CLSTN2: variants seen among roughly 807,000 people sequenced by gnomAD.
CLSTN2 encodes calsyntenin 2.
Under a neutral mutation model 101.2 loss-of-function variants are expected in CLSTN2, and 48 were observed. The ratio of observed to expected loss-of-function variants is 0.47; its 90% CI spans 0.38 to 0.60. CLSTN2 has a LOEUF of 0.60. Among genes scored for constraint, CLSTN2 ranks in the 20% least tolerant of loss-of-function variants. CLSTN2 has a pLI of 0.00. For missense variants in CLSTN2, 1,160 were observed against 1,238.2 expected (o/e 0.94, Z 0.95); for synonymous variants, 481 against 463.6 (o/e 1.04, Z -0.48).
At chr3:140,044,046 T>A (rs1376457493) in intron 1 of CLSTN2, among the ~76,000 whole-genome samples, 1 of 152,224 alleles carries the variant, frequency 6.6e-6, no homozygotes, top group Non-Finnish European at 1.5e-5. Flanking sequence ...CTTAAAGTAG[T>A]TTTTTCCAAT....
Position 140,311,287 on chromosome 3 carries a change from C to CTTTTTTT in CLSTN2, c.233-92312_233-92306dup, listed in dbSNP as rs750088450. Among the ~76,000 whole-genome samples the CTTTTTTT allele has an allele frequency of 1.3e-4, 7 of 52,082 alleles. 1 individual carries two copies. The highest frequency in any genetic ancestry group is 3.8e-4 in the African/African-American group (4 of 10,624). 34.2% of individuals were successfully genotyped at this position (52,082 alleles called of 152,430 possible). ...ATAATAACAGCTAAGGTTTATTATC[C>CTTTTTTT]TTTTTTTTTTTTTTTTTTTTTTTTT... On this transcript the variant is annotated intron_variant, in intron 2 of 16. Transcript: ENST00000458420.
chr3:140,078,980 G>A (rs965794195), intron 1 of CLSTN2, among the ~76,000 whole-genome samples: 1 of 152,140 alleles, frequency 6.6e-6, no homozygotes, highest in Non-Finnish European at 1.5e-5. Context: ...GAAATGCTGG[G>A]GAATAAGGTG....
intron 2 of CLSTN2, among the ~76,000 whole-genome samples, chr3:140,244,367 T>C (rs1576481884): frequency 1.3e-5 from 2 of 152,198 alleles, no homozygotes; most frequent in South Asian, 2.1e-4. Flanking sequence ...CAGGGCATTA[T>C]GTAGTATGGG....
chr3:140,466,263 C>A (rs1314202955), intron 7 of CLSTN2, among the ~76,000 whole-genome samples: 2 of 152,184 alleles, frequency 1.3e-5, no homozygotes, highest in Non-Finnish European at 2.9e-5. Context: ...GCTCCCTAAA[C>A]CCTCCAGAAG....
chr3:139,959,914 C>T (rs565139652), intron 1 of CLSTN2, among the ~76,000 whole-genome samples: 2 of 152,226 alleles, frequency 1.3e-5, no homozygotes, highest in South Asian at 4.1e-4. Flanking sequence ...TAACCTTCTC[C>T]TCTCCCACCC....
At chr3:140,267,920 G>A (rs1372036352) in intron 2 of CLSTN2, among the ~76,000 whole-genome samples, 2 of 152,084 alleles carry the variant, frequency 1.3e-5, no homozygotes. Flanking sequence ...AGCTATTCTT[G>A]GACTCTGATT....
chr3:140,249,850 A>G (rs764807891), intron 2 of CLSTN2, among the ~76,000 whole-genome samples: 1 of 152,136 alleles, frequency 6.6e-6, no homozygotes, highest in Non-Finnish European at 1.5e-5. Context: ...AGGGTTTAGA[A>G]AGGCCTGAGT....
At chr3:140,039,550 G>A (rs2007721702) in intron 1 of CLSTN2, among the ~76,000 whole-genome samples, 1 of 152,130 alleles carries the variant, frequency 6.6e-6, no homozygotes, top group South Asian at 2.1e-4. Flanking sequence ...ATAAATTAGA[G>A]TTTATTTTCT....
At chr3:140,465,438 C>T (rs1933670099) in intron 7 of CLSTN2, among the ~76,000 whole-genome samples, 1 of 152,150 alleles carries the variant, frequency 6.6e-6, no homozygotes, top group East Asian at 1.9e-4. Context: ...TGAACTGAGC[C>T]ACTTGCCAAC....
chr3:140,449,116 A>T, intron 6 of CLSTN2, among the ~76,000 whole-genome samples: 1 of 152,220 alleles, frequency 6.6e-6, no homozygotes, highest in East Asian at 1.9e-4. Context: ...TCACCTGGAA[A>T]GGGATTGGTC....
chr3:140,496,182 C>T (rs1035262110), intron 8 of CLSTN2, among the ~76,000 whole-genome samples: 1 of 152,092 alleles, frequency 6.6e-6, no homozygotes, highest in African/African-American at 2.4e-5. Context: ...TCTTTCACTT[C>T]CCTTGTTAGC....
chr3:140,387,872 G>T (rs938329950), intron 2 of CLSTN2, among the ~76,000 whole-genome samples: 2 of 152,216 alleles, frequency 1.3e-5, no homozygotes, highest in African/African-American at 2.4e-5. Context: ...ATAATGGAAT[G>T]GTTGAATGAT....
chr3:140,563,935 T>G, intron 15 of CLSTN2, 26 bp from the exon 16 acceptor site: 2 of 1,610,398 alleles, frequency 1.2e-6, no homozygotes, highest in Non-Finnish European at 1.7e-6. Context: ...GTTCACCATG[T>G]CATGCGAGTT....
intron 1 of CLSTN2, among the ~76,000 whole-genome samples, chr3:139,954,396 A>G (rs994267175): frequency 1.3e-5 from 2 of 152,150 alleles, no homozygotes; most frequent in African/African-American, 4.8e-5. Flanking sequence ...ACTTTGCTAG[A>G]GTAAGCTGTG....
chr3:140,496,964 G>T (rs1934479352), intron 8 of CLSTN2, among the ~76,000 whole-genome samples: 1 of 152,134 alleles, frequency 6.6e-6, no homozygotes, highest in African/African-American at 2.4e-5. Context: ...AGCCGGACGT[G>T]GTGGCATGCA....
intron 1 of CLSTN2, among the ~76,000 whole-genome samples, chr3:140,054,281 AT>A (rs536294275): frequency 1.3e-5 from 2 of 152,158 alleles, no homozygotes; most frequent in Admixed American, 1.3e-4. Context: ...TTATACTGTC[AT>A]TTTTAAGATG....
intron 8 of CLSTN2, among the ~76,000 whole-genome samples, chr3:140,476,605 T>TGA (rs1291917907): frequency 3.3e-5 from 5 of 151,652 alleles, no homozygotes; most frequent in Non-Finnish European, 5.9e-5. Flanking sequence ...TGGATGTCCA[T>TGA]CCAGAAACAG....
intron 2 of CLSTN2, among the ~76,000 whole-genome samples, chr3:140,242,301 T>A (rs2086477464): frequency 6.6e-6 from 1 of 152,182 alleles, no homozygotes; most frequent in Non-Finnish European, 1.5e-5. Flanking sequence ...AGAAACCATG[T>A]CACCATTGTT....
chr3:140,356,219 A>G (rs935441441), intron 2 of CLSTN2, among the ~76,000 whole-genome samples: 4 of 152,214 alleles, frequency 2.6e-5, no homozygotes, highest in African/African-American at 9.6e-5. Context: ...CTTAAAAAGA[A>G]GATGAGAATA....
Sources: gnomAD v4.1 joint callset for allele counts (sites outside exome capture counted in the v4.1 genomes callset) on GRCh38, gnomAD v4.1.1 for gene constraint, MANE v1.5 for transcripts, NCBI Gene and HGNC (gene_info 2026-07-23, HGNC 2026-07-21) for gene names.